RELN: variants seen among roughly 807,000 people sequenced by gnomAD.
The protein encoded by RELN is reelin.
In RELN, 108 loss-of-function variants were observed where a neutral mutation model predicts 427.6. The observed-to-expected ratio is 0.25, with a 90% confidence interval of 0.22 to 0.30. RELN has a LOEUF of 0.30. RELN is among the 10% of genes least tolerant of loss of function. The pLI is 1.00. For missense variants in RELN, 3,715 were observed against 4,302.8 expected (o/e 0.86, Z 3.82); for synonymous variants, 1,524 against 1,513.4 (o/e 1.01, Z -0.16).
intron 46 of RELN, among the ~76,000 whole-genome samples, chr7:103,524,632 G>A (rs750254892): frequency 8.5e-5 from 13 of 152,288 alleles, no homozygotes; most frequent in South Asian, 2.1e-4. Context: ...TTAAGAGACC[G>A]TTAATCATTT....
chr7:103,777,191 T>C (rs1791766219), intron 3 of RELN, among the ~76,000 whole-genome samples: 2 of 152,176 alleles, frequency 1.3e-5, no homozygotes, highest in Admixed American at 1.3e-4. Context: ...ATCTTTTACT[T>C]CTTCCAATCA....
intron 6 of RELN, among the ~76,000 whole-genome samples, chr7:103,736,463 C>T (rs1036993246): frequency 6.6e-6 from 1 of 152,162 alleles, no homozygotes; most frequent in Non-Finnish European, 1.5e-5. Context: ...GGAGCTAACA[C>T]ATACTGTAAA....
intron 51 of RELN, 111 bp downstream of exon 51, chr7:103,510,740 T>C: frequency 2.3e-6 from 2 of 879,044 alleles, no homozygotes; most frequent in Non-Finnish European, 3.7e-6. Flanking sequence ...TAAATTTTAC[T>C]TTTCAAAGTA....
chr7:103,548,882 C>A (rs1830355235), intron 41 of RELN, among the ~76,000 whole-genome samples: 1 of 152,206 alleles, frequency 6.6e-6, no homozygotes, highest in African/African-American at 2.4e-5. Flanking sequence ...GTGCCTCTGA[C>A]TGGCAGGTCT....
In RELN at chr7:103,988,727, C is replaced by T. The variant is rs1797154529; in HGVS notation, c.226+404G>A. ...AAGCCCAGCGACAGCCCCCAACGCC[C>T]CCCCGGGGACCCATCTGGGGGGACC... On this transcript the variant is annotated intron_variant, in intron 1 of 64. Transcript: ENST00000428762. The surrounding 1 kb of genome is among the most constrained non-coding windows in gnomAD (Gnocchi z 4.9). Among the ~76,000 whole-genome samples, 2 of 152,206 alleles carry T rather than the reference C, an allele frequency of 1.3e-5. No homozygotes were observed. The highest frequency in any genetic ancestry group is 6.5e-5 in the Admixed American group (1 of 15,284).
In RELN at chr7:103,808,853, G is replaced by A. The variant is rs1256712341; in HGVS notation, c.473+24684C>T. ...GGCATTCCAGAAAAAAGAGAAAAGA[G>A]AAAACTGAAACAGAAACGGGGTTAA... On this transcript the variant is annotated intron_variant, in intron 3 of 64. Coordinates refer to ENST00000428762, the MANE Select transcript of RELN (RefSeq NM_005045.4). Among the ~76,000 whole-genome samples the A allele has an allele frequency of 2.0e-5, 3 of 152,074 alleles. No individual in the cohort carries two copies. The East Asian group carries it at 5.8e-4, about 29-fold the overall frequency.
intron 3 of RELN, among the ~76,000 whole-genome samples, chr7:103,780,474 G>T (rs529709452): frequency 1.3e-5 from 2 of 152,274 alleles, no homozygotes; most frequent in South Asian, 2.1e-4. Context: ...ACTGGGGTTT[G>T]TTGTACAGAT....
chr7:103,473,782 G>C (rs1028440472), intron 64 of RELN, among the ~76,000 whole-genome samples: 1 of 152,112 alleles, frequency 6.6e-6, no homozygotes, highest in Admixed American at 6.5e-5. Context: ...ATCACTGAAA[G>C]GATCATATTC....
Position 103,851,432 on chromosome 7 carries a change from A to C in RELN, c.338-17760T>G, listed in dbSNP as rs545424981. ...CACCAAAATCTCACACATCACCACT[A>C]AAGAACTTACTCATGTAACAAAATA... On this transcript the variant is annotated intron_variant, in intron 2 of 64. Coordinates refer to ENST00000428762, the MANE Select transcript of RELN (RefSeq NM_005045.4). Among the ~76,000 whole-genome samples, 14 of 152,284 alleles carry C rather than the reference A, an allele frequency of 9.2e-5. No individual in the cohort carries two copies. The South Asian group carries it at 2.9e-3, about 32-fold the overall frequency.
rs7805624 is a variant in RELN, at chr7:103,590,565, T to A, written c.3913-737A>T. 7.7e-3 allele frequency among the ~76,000 whole-genome samples: 174 copies of A among 22,682 alleles called. 4 individuals carry two copies. The highest frequency in any genetic ancestry group is 0.016 in the South Asian group (13 of 838). 14.9% of individuals were successfully genotyped at this position (22,682 alleles called of 152,430 possible). On this transcript the variant is annotated intron_variant, in intron 27 of 64. Coordinates refer to ENST00000428762, the MANE Select transcript of RELN (RefSeq NM_005045.4). ...ACAGAGCCAGACTCCATCTCAACAA[T>A]AAATAAATAAATAAATAAATAAATA... is the stretch of plus-strand genomic sequence containing the variant.
At chr7:103,756,156 C>T (rs529492994) in intron 4 of RELN, among the ~76,000 whole-genome samples, 1 of 152,246 alleles carries the variant, frequency 6.6e-6, no homozygotes, top group East Asian at 1.9e-4. Context: ...TTATAAAATG[C>T]TTTACTTTAA....
chr7:103,795,431 C>A (rs1004618072), intron 3 of RELN, among the ~76,000 whole-genome samples: 9 of 151,924 alleles, frequency 5.9e-5, no homozygotes, highest in Admixed American at 5.9e-4. Context: ...TGTGGATAAT[C>A]GGGAGGGGAC....
intron 1 of RELN, among the ~76,000 whole-genome samples, chr7:103,920,450 A>G (rs1795588209): frequency 6.6e-6 from 1 of 152,170 alleles, no homozygotes; most frequent in Non-Finnish European, 1.5e-5. Context: ...TAATGTTAAA[A>G]TGGGTAACAA....
At chr7:103,644,184 A>G (rs1832750236) in intron 16 of RELN, among the ~76,000 whole-genome samples, 2 of 151,924 alleles carry the variant, frequency 1.3e-5, no homozygotes, top group Non-Finnish European at 2.9e-5. Flanking sequence ...GAAGCAGCAG[A>G]ACAATTCTGG....
intron 1 of RELN, among the ~76,000 whole-genome samples, chr7:103,937,501 T>G (rs1412623275): frequency 6.6e-6 from 1 of 152,224 alleles, no homozygotes; most frequent in African/African-American, 2.4e-5. Flanking sequence ...GATTTGAGGA[T>G]CTAAAGGATG....
At chr7:103,596,365 G>T in intron 25 of RELN, 91 bp downstream of exon 25, 1 of 1,117,470 alleles carries the variant, frequency 8.9e-7, no homozygotes, top group Non-Finnish European at 1.4e-6. Flanking sequence ...GTCTATTTTT[G>T]CAACAGTTAA....
At chr7:103,728,643 A>G (rs1790274206) in intron 6 of RELN, among the ~76,000 whole-genome samples, 2 of 152,344 alleles carry the variant, frequency 1.3e-5, no homozygotes, top group African/African-American at 4.8e-5. Context: ...GTTTGCAAGT[A>G]TTAAAAATAA....
intron 2 of RELN, among the ~76,000 whole-genome samples, chr7:103,912,192 C>A (rs1795383441): frequency 6.7e-6 from 1 of 149,832 alleles, no homozygotes; most frequent in African/African-American, 2.5e-5. Flanking sequence ...CAAATTTTGT[C>A]ACTTTAAGCT....
At chr7:103,604,640 A>G (rs1831771001) in intron 22 of RELN, among the ~76,000 whole-genome samples, 157 bp from the exon 23 acceptor site, 1 of 152,190 alleles carries the variant, frequency 6.6e-6, no homozygotes, top group Non-Finnish European at 1.5e-5. Context: ...ATTATTGTCC[A>G]ATGCAACAAT....
Sources: allele counts gnomAD v4.1 joint callset (sites outside exome capture counted in the v4.1 genomes callset), GRCh38; gene constraint gnomAD v4.1.1; non-coding constraint Gnocchi (gnomAD v3.1); transcripts MANE v1.5; gene names NCBI Gene and HGNC (gene_info 2026-07-23, HGNC 2026-07-21).